Variants in UBOX5 observed in about 807,000 individuals in gnomAD.
The protein encoded by UBOX5 is U-box domain containing 5.
In UBOX5, 28 loss-of-function variants were observed where a neutral mutation model predicts 39.0. That is an observed-to-expected ratio of 0.72 (90% CI 0.53 to 0.98). The LOEUF is 0.98. UBOX5 is among the 50% of genes least tolerant of loss of function. UBOX5 has a pLI of 0.00. For missense variants in UBOX5, 585 were observed against 674.4 expected (o/e 0.87, Z 1.47); for synonymous variants, 283 against 275.5 (o/e 1.03, Z -0.27).
At chr20:3,120,727 C>CA (rs1471861639) in intron 3 of UBOX5, among the ~76,000 whole-genome samples, 4 of 151,938 alleles carry the variant, frequency 2.6e-5, no homozygotes, top group African/African-American at 9.7e-5. Flanking sequence ...GAAAAAAACA[C>CA]AAAGAGAATA....
intron 1 of UBOX5, among the ~76,000 whole-genome samples, chr20:3,126,223 C>G (rs1246109008): frequency 6.6e-6 from 1 of 152,110 alleles, no homozygotes; most frequent in Non-Finnish European, 1.5e-5. Context: ...ACCCCGTGCT[C>G]TCTGAATCAT....
At position 3,136,808 on chromosome 20, in the gene UBOX5, A is replaced by G. The variant is rs193071141; in HGVS notation, c.-41-13402T>C. Among the ~76,000 whole-genome samples the G allele has an allele frequency of 9.6e-4, 146 of 152,078 alleles. 1 individual carries two copies. Among genetic ancestry groups the G allele is most frequent in the African/African-American group, 3.3e-3 (138 of 41,472 alleles). ...GTAGCTGGGACTATAGGCGCCTGGC[A>G]CCATGCCCAGCTAATTTTTTGTATT... On this transcript the variant is annotated intron_variant, in intron 1 of 4. Coordinates refer to ENST00000217173, the MANE Select transcript of UBOX5 (RefSeq NM_014948.4).
At chr20:3,143,004 A>AT (rs2066530713) in intron 1 of UBOX5, among the ~76,000 whole-genome samples, 1 of 151,814 alleles carries the variant, frequency 6.6e-6, no homozygotes, top group Non-Finnish European at 1.5e-5. Flanking sequence ...AAGAGCCTAT[A>AT]TATAGGAAAT....
chr20:3,126,866 T>C (rs1353167014), intron 1 of UBOX5, among the ~76,000 whole-genome samples: 2 of 151,370 alleles, frequency 1.3e-5, no homozygotes, highest in African/African-American at 2.4e-5. Flanking sequence ...TGAAACTCCA[T>C]CTCTACTAAA....
intron 1 of UBOX5, among the ~76,000 whole-genome samples, chr20:3,159,408 G>A (rs139447321): frequency 1.3e-3 from 204 of 152,312 alleles, no homozygotes; most frequent in African/African-American, 4.6e-3. Context: ...ATCTCTAAGC[G>A]ATTCGCAGGC....
In UBOX5 at chr20:3,149,068, C is replaced by T. The variant is rs1170508269; in HGVS notation, c.-42+10698G>A. ...GTTTTAATGACTTGAGAGTAGCTGC[C>T]ATTCTGGTGTCAGTATTGATCTCTT... On this transcript the variant is annotated intron_variant, in intron 1 of 4. Coordinates refer to ENST00000217173, the MANE Select transcript of UBOX5 (RefSeq NM_014948.4). This position sits in a 1 kb window ranked among gnomAD's most constrained non-coding sequence, Gnocchi z 4.1. 1 of 1,607,434 alleles carries T rather than the reference C, an allele frequency of 6.2e-7. No individual in the cohort carries two copies. Among genetic ancestry groups the T allele is most frequent in the Non-Finnish European group, 8.5e-7 (1 of 1,176,394 alleles).
intron 1 of UBOX5, among the ~76,000 whole-genome samples, chr20:3,137,499 C>A (rs2017935): frequency 0.12 from 17,673 of 151,922 alleles, 2,016 homozygotes; most frequent in East Asian, 0.41. Context: ...GAACTCCTGA[C>A]CTCAGGTGAT....
chr20:3,151,208 T>C (rs757321660), intron 1 of UBOX5, among the ~76,000 whole-genome samples: 1 of 152,180 alleles, frequency 6.6e-6, no homozygotes, highest in Non-Finnish European at 1.5e-5. Flanking sequence ...TGACCACCTG[T>C]GGACCATTCT....
chr20:3,146,867 A>G (rs773686335), intron 1 of UBOX5: 5 of 1,614,218 alleles, frequency 3.1e-6, no homozygotes, highest in Non-Finnish European at 4.2e-6. Context: ...CCAGTAGGAT[A>G]ACTCTACCAC....
chr20:3,121,353 G>A, intron 3 of UBOX5, 31 bp downstream of exon 3: 1 of 1,580,354 alleles, frequency 6.3e-7, no homozygotes, highest in South Asian at 1.2e-5. Context: ...AGATGGATGA[G>A]CCTGGCTGCG....
chr20:3,111,215 C>T (rs2148584692), intron 4 of UBOX5, among the ~76,000 whole-genome samples: 1 of 152,342 alleles, frequency 6.6e-6, no homozygotes, highest in African/African-American at 2.4e-5. Flanking sequence ...CTTGCCTGTC[C>T]TCCTTGTGGT....
intron 1 of UBOX5, among the ~76,000 whole-genome samples, chr20:3,157,078 T>C (rs965193651): frequency 1.3e-5 from 2 of 149,986 alleles, no homozygotes; most frequent in East Asian, 2.0e-4. Context: ...CTGGGCTACA[T>C]GGCGAGACCC....
intron 1 of UBOX5, among the ~76,000 whole-genome samples, chr20:3,159,523 A>G (rs1410325987): frequency 6.6e-6 from 1 of 152,242 alleles, no homozygotes; most frequent in Non-Finnish European, 1.5e-5. Context: ...AGGAAAAAAA[A>G]TCAAGGGTCA....
At chr20:3,142,511 G>A (rs1205048924) in intron 1 of UBOX5, among the ~76,000 whole-genome samples, 1 of 151,656 alleles carries the variant, frequency 6.6e-6, no homozygotes, top group African/African-American at 2.4e-5. Flanking sequence ...GGCTGAGGCA[G>A]GAGAATCTCT....
At position 3,141,346 on chromosome 20, in the gene UBOX5, G is replaced by C. The variant is rs982882242; in HGVS notation, c.-41-17940C>G. The stretch of plus-strand genomic sequence containing the variant: ...TATTTATTGAACAATCAGCAAACTA[G>C]GAATAAAAAATAACTTCCTCATCAG... On this transcript the variant is annotated intron_variant, in intron 1 of 4. Transcript: ENST00000217173. Among the ~76,000 whole-genome samples the C allele has an allele frequency of 2.6e-5, 4 of 152,190 alleles. No individual in the cohort carries two copies. The South Asian group carries it at 8.3e-4, about 32-fold the overall frequency.
intron 1 of UBOX5, among the ~76,000 whole-genome samples, chr20:3,133,419 T>C (rs2066444845): frequency 6.6e-6 from 1 of 152,228 alleles, no homozygotes; most frequent in Non-Finnish European, 1.5e-5. Context: ...TCTCCAGATG[T>C]GGCATCTAAG....
Position 3,146,917 on chromosome 20 carries a change from G to A in UBOX5, c.-42+12849C>T, listed in dbSNP as rs375423888. 2.5e-6 allele frequency: 4 copies of A among 1,614,044 alleles called. No individual in the cohort carries two copies. In the African/African-American group the frequency reaches 5.3e-5, roughly 22 times the overall value. On this transcript the variant is annotated intron_variant, in intron 1 of 4. Coordinates refer to ENST00000217173, the MANE Select transcript of UBOX5 (RefSeq NM_014948.4). Reference sequence around the variant, plus strand: ...GAGCCAGCTGCCGCCTCTTCATATTGTGCAGTCCAAGGAGATCCCTGGAGC... The same window carrying A: ...GAGCCAGCTGCCGCCTCTTCATATTATGCAGTCCAAGGAGATCCCTGGAGC...
At chr20:3,139,763 G>C (rs946237770) in intron 1 of UBOX5, among the ~76,000 whole-genome samples, 1 of 151,296 alleles carries the variant, frequency 6.6e-6, no homozygotes, top group African/African-American at 2.4e-5. Flanking sequence ...CGGCTGGAGA[G>C]CAATGGTACG....
chr20:3,140,013 ACTT>A (rs2066503577), intron 1 of UBOX5, among the ~76,000 whole-genome samples: 2 of 78,226 alleles, frequency 2.6e-5, no homozygotes, highest in Non-Finnish European at 5.3e-5. Context: ...CGGCCTTTTT[ACTT>A]TTTTTTTTTT....
Sources: allele counts gnomAD v4.1 joint callset (sites outside exome capture counted in the v4.1 genomes callset), GRCh38; gene constraint gnomAD v4.1.1; non-coding constraint Gnocchi (gnomAD v3.1); transcripts MANE v1.5; gene names NCBI Gene and HGNC (gene_info 2026-07-23, HGNC 2026-07-21).